TTC9: variants seen among roughly 807,000 people sequenced by gnomAD.
TTC9 encodes the protein tetratricopeptide repeat domain 9.
TTC9 carries 13 observed loss-of-function variants against 22.9 expected under a neutral mutation model. The ratio of observed to expected loss-of-function variants is 0.57; its 90% CI spans 0.37 to 0.90. TTC9 has a LOEUF of 0.90. Ranked by LOEUF, TTC9 falls within the 40% of genes least tolerant of loss-of-function variation. The pLI, the probability that TTC9 is intolerant of heterozygous loss-of-function variation, is 0.01. For missense variants in TTC9, 280 were observed against 291.8 expected (o/e 0.96, Z 0.29); for synonymous variants, 148 against 133.2 (o/e 1.11, Z -0.77).
intron 1 of TTC9, among the ~76,000 whole-genome samples, chr14:70,652,920 G>A (rs1886006537): frequency 6.6e-6 from 1 of 152,232 alleles, no homozygotes; most frequent in Admixed American, 6.5e-5. Context: ...CACAGGAAAA[G>A]ATAGGAAGCA....
rs1363848486 is a variant in TTC9, at chr14:70,674,080, G to C, written c.*2925G>C. The stretch of plus-strand genomic sequence containing the variant: ...CAAAGGCTTTAGAGCACAAAACCAG[G>C]TTCATTCTCCCTACCAAATCTTCAG... On this transcript the variant is annotated 3_prime_UTR_variant, in exon 3 of 3. Coordinates refer to ENST00000256367, the MANE Select transcript of TTC9 (RefSeq NM_015351.2). The C allele has an allele frequency of 6.6e-6, 1 of 152,074 alleles. No homozygotes were observed. The highest frequency in any genetic ancestry group is 1.5e-5 in the Non-Finnish European group (1 of 68,028). 9.4% of individuals were successfully genotyped at this position (152,074 alleles called of 1,614,324 possible).
intron 1 of TTC9, among the ~76,000 whole-genome samples, chr14:70,664,041 C>T (rs1041909897): frequency 2.6e-5 from 4 of 152,034 alleles, no homozygotes; most frequent in African/African-American, 7.2e-5. Context: ...AAAAATAGAA[C>T]CTGTTTCATG....
At chr14:70,661,116 C>T (rs1441141918) in intron 1 of TTC9, among the ~76,000 whole-genome samples, 1 of 152,172 alleles carries the variant, frequency 6.6e-6, no homozygotes, top group Non-Finnish European at 1.5e-5. Context: ...CCAAGCCTCT[C>T]TCCTAACTTC....
rs551658087 is a variant in TTC9 at position 70,668,577 on chromosome 14, G to A, written c.589+831G>A. 9.8e-5 allele frequency among the ~76,000 whole-genome samples: 15 copies of A among 152,316 alleles called. No individual in the cohort carries two copies. The East Asian group carries it at 1.2e-3, about 12-fold the overall frequency. On this transcript the variant is annotated intron_variant, in intron 2 of 2. Coordinates refer to ENST00000256367, the MANE Select transcript of TTC9 (RefSeq NM_015351.2). ...TCAAGAGTAAATGGGGGCGCTGGGC[G>A]TGGTGGCTCATGCCTGTAATTCCAG...
At chr14:70,670,737 A>C (rs557098250) in intron 2 of TTC9, among the ~76,000 whole-genome samples, 1 of 152,280 alleles carries the variant, frequency 6.6e-6, no homozygotes, top group East Asian at 1.9e-4. Context: ...CCTGATGTTA[A>C]ACTCCAACTG....
intron 1 of TTC9, among the ~76,000 whole-genome samples, chr14:70,647,821 G>A (rs1428328159): frequency 2.0e-5 from 3 of 152,204 alleles, no homozygotes; most frequent in Admixed American, 6.5e-5. Context: ...ATTAAATGAA[G>A]TACAGGTTCC....
Position 70,642,495 on chromosome 14 carries a change from G to A in TTC9, c.366G>A (p.Thr122=), listed in dbSNP as rs1885834355. The A allele has an allele frequency of 3.2e-6, 5 of 1,546,836 alleles. No individual in the cohort carries two copies. Among genetic ancestry groups the A allele is most frequent in the Non-Finnish European group, 4.4e-6 (5 of 1,145,474 alleles). The stretch of plus-strand genomic sequence containing the variant: ...GCCTCTCGGAGGAGCAGAGCAAGAC[G>A]GTGGAAGCCATCGAGATCGACTGTT... ...PGRLSEEQSK[T]VEAIEIDCYN... Residue 122 remains threonine (T), a synonymous_variant, in exon 1 of 3, where the codon ACG becomes ACA. Transcript: ENST00000256367.
chr14:70,645,499 A>G (rs1462253732), intron 1 of TTC9, among the ~76,000 whole-genome samples: 1 of 152,228 alleles, frequency 6.6e-6, no homozygotes, highest in East Asian at 1.9e-4. Context: ...TTTCATGAAA[A>G]TATTTTCATG....
intron 2 of TTC9, 144 bp from the exon 3 acceptor site, chr14:70,670,932 C>G: frequency 4.5e-6 from 3 of 660,140 alleles, no homozygotes; most frequent in South Asian, 1.9e-5. Context: ...GTTGCCCTCT[C>G]AGCCACCATG....
At position 70,654,372 on chromosome 14, in the gene TTC9, C is replaced by T. The variant is rs563187497; in HGVS notation, c.406+11837C>T. On this transcript the variant is annotated intron_variant, in intron 1 of 2. Transcript: ENST00000256367. ...TTGGGAGGCCAAAGTGGGTGAACCA[C>T]CTGAGGTCAGGAGTTTGAGACCAGC... Among the ~76,000 whole-genome samples the T allele has an allele frequency of 2.6e-5, 4 of 151,922 alleles. No homozygotes were observed. The South Asian group carries it at 6.2e-4, about 24-fold the overall frequency.
At chr14:70,653,874 T>C (rs1886020361) in intron 1 of TTC9, among the ~76,000 whole-genome samples, 1 of 152,134 alleles carries the variant, frequency 6.6e-6, no homozygotes, top group Non-Finnish European at 1.5e-5. Flanking sequence ...AAAGAAGGCT[T>C]TCTGGTGGGA....
rs1468585667 is a variant in TTC9 at position 70,642,551 on chromosome 14, C to T, written c.406+16C>T. On this transcript the variant is annotated intron_variant, in intron 1 of 2. Transcript: ENST00000256367. The stretch of plus-strand genomic sequence containing the variant: ...AGCCTGGCAGGTGAGCCGCGCCGCG[C>T]CCCCCGCGCCGCGGTCCCCGTTCTT... The T allele has an allele frequency of 1.2e-5, 18 of 1,526,116 alleles. No individual in the cohort carries two copies. Among genetic ancestry groups the T allele is most frequent in the Non-Finnish European group, 1.6e-5 (18 of 1,138,764 alleles). The allele number at this position is 1,526,116 out of a possible 1,614,324, so 94.5% of individuals were successfully genotyped here.
At chr14:70,654,782 G>C (rs1378400742) in intron 1 of TTC9, among the ~76,000 whole-genome samples, 6 of 152,136 alleles carry the variant, frequency 3.9e-5, no homozygotes, top group African/African-American at 1.4e-4. Flanking sequence ...CTTCAGTGCA[G>C]CCACATGGTG....
intron 1 of TTC9, among the ~76,000 whole-genome samples, chr14:70,665,661 C>G (rs537977139): frequency 4.3e-4 from 65 of 152,320 alleles, no homozygotes; most frequent in African/African-American, 1.5e-3. Context: ...TCCTGGTTCT[C>G]ATACCTTCAT....
intron 1 of TTC9, among the ~76,000 whole-genome samples, chr14:70,647,835 T>C (rs372767483): frequency 1.3e-5 from 2 of 152,226 alleles, no homozygotes; most frequent in African/African-American, 4.8e-5. Flanking sequence ...AGGTTCCTTC[T>C]GAGTGTGGGG....
intron 1 of TTC9, among the ~76,000 whole-genome samples, chr14:70,644,884 G>A (rs551757492): frequency 9.2e-5 from 14 of 152,224 alleles, no homozygotes; most frequent in South Asian, 6.2e-4. Context: ...AGGCCGAGGC[G>A]GGCGGATCAC....
chr14:70,669,123 T>C (rs2139651710), intron 2 of TTC9, among the ~76,000 whole-genome samples: 1 of 152,104 alleles, frequency 6.6e-6, no homozygotes, highest in East Asian at 1.9e-4. Flanking sequence ...GCCACTGCAC[T>C]CCAGCCTGGG....
intron 1 of TTC9, among the ~76,000 whole-genome samples, chr14:70,666,063 C>T (rs914726401): frequency 5.3e-5 from 8 of 151,884 alleles, no homozygotes; most frequent in East Asian, 1.9e-4. Flanking sequence ...CATACTTTGC[C>T]GTTGGTCAAT....
intron 1 of TTC9, among the ~76,000 whole-genome samples, chr14:70,660,723 G>A (rs1886133734): frequency 6.6e-6 from 1 of 152,286 alleles, no homozygotes; most frequent in South Asian, 2.1e-4. Flanking sequence ...CCCAGAGCTG[G>A]TACAATACTG....
Sources: gnomAD v4.1 joint callset for allele counts (sites outside exome capture counted in the v4.1 genomes callset) on GRCh38, gnomAD v4.1.1 for gene constraint, MANE v1.5 for transcripts, NCBI Gene and HGNC (gene_info 2026-07-23, HGNC 2026-07-21) for gene names.